Variants in ABCB5 observed in about 807,000 individuals in gnomAD.
ABCB5 encodes ATP binding cassette subfamily B member 5.
A neutral mutation model predicts 144.2 loss-of-function variants in ABCB5; 155 were observed. The ratio of observed to expected loss-of-function variants is 1.08; its 90% CI spans 0.94 to 1.23. The LOEUF (loss-of-function observed/expected upper bound fraction) is 1.23, where lower values mean the gene tolerates loss of function less well. Among genes scored for constraint, ABCB5 ranks in the 50% most tolerant of loss-of-function variants. The pLI is 0.00. For missense variants in ABCB5, 1,830 were observed against 1,520.8 expected, an observed-to-expected ratio of 1.20 and a Z score of -3.38; for synonymous variants, 610 against 528.6, an observed-to-expected ratio of 1.15 and a Z score of -2.11.
chr7:20,738,955 A>G (rs1345304757), intron 23 of ABCB5, 28 bp from the exon 24 acceptor site: 4 of 1,553,230 alleles, frequency 2.6e-6, no homozygotes, highest in African/African-American at 1.4e-5. Flanking sequence ...CGATGGACCT[A>G]AGATTCAAAT....
intron 9 of ABCB5, chr7:20,647,297 C>T: frequency 8.0e-7 from 1 of 1,252,664 alleles, no homozygotes; most frequent in Non-Finnish European, 1.0e-6. Context: ...AAAAGTTGTT[C>T]CTTATTAGGA....
chr7:20,709,840 G>C (rs1786952569), intron 20 of ABCB5, among the ~76,000 whole-genome samples: 1 of 149,400 alleles, frequency 6.7e-6, no homozygotes, highest in African/African-American at 2.5e-5. Context: ...CAGCACTCTG[G>C]GAGGACAAGG....
At chr7:20,683,166 C>G (rs1785882429) in intron 15 of ABCB5, among the ~76,000 whole-genome samples, 1 of 152,160 alleles carries the variant, frequency 6.6e-6, no homozygotes, top group African/African-American at 2.4e-5. Flanking sequence ...CTTCAAATTT[C>G]AAACCCTAAC....
chr7:20,708,546 T>C (rs903287132), intron 20 of ABCB5, among the ~76,000 whole-genome samples: 11 of 152,110 alleles, frequency 7.2e-5, no homozygotes, highest in African/African-American at 2.4e-4. Context: ...TTCATAATAT[T>C]GCAAAAAACT....
intron 14 of ABCB5, among the ~76,000 whole-genome samples, chr7:20,680,931 G>A (rs1384179635): frequency 1.3e-5 from 2 of 151,448 alleles, no homozygotes; most frequent in East Asian, 3.9e-4. Flanking sequence ...AAACAATACT[G>A]CAACAAAGAT....
At chr7:20,684,501 C>T (rs1013234943) in intron 15 of ABCB5, among the ~76,000 whole-genome samples, 1 of 152,126 alleles carries the variant, frequency 6.6e-6, no homozygotes, top group African/African-American at 2.4e-5. Context: ...TTCCTGTAAT[C>T]CCAGCTACTT....
intron 20 of ABCB5, among the ~76,000 whole-genome samples, chr7:20,713,224 T>G (rs1285721197): frequency 6.7e-6 from 1 of 148,928 alleles, no homozygotes; most frequent in Non-Finnish European, 1.5e-5. Context: ...TTTGCCACTT[T>G]GCATGCCTGG....
intron 11 of ABCB5, 63 bp from the exon 12 acceptor site, chr7:20,649,959 T>A: frequency 6.6e-7 from 1 of 1,520,514 alleles, no homozygotes; most frequent in Non-Finnish European, 8.9e-7. Context: ...ACTCATTTTC[T>A]GAAAATGTGT....
intron 14 of ABCB5, among the ~76,000 whole-genome samples, chr7:20,677,878 G>A (rs1785666757): frequency 6.6e-6 from 1 of 152,166 alleles, no homozygotes; most frequent in Non-Finnish European, 1.5e-5. Flanking sequence ...CTCTGTCAAT[G>A]ATCAAGACCA....
intron 22 of ABCB5, 99 bp from the exon 23 acceptor site, chr7:20,728,216 A>G (rs144371504): frequency 1.1e-4 from 157 of 1,383,014 alleles, no homozygotes; most frequent in Non-Finnish European, 1.5e-4. Flanking sequence ...CCACCAAATT[A>G]TAACATTTCA....
intron 27 of ABCB5, among the ~76,000 whole-genome samples, chr7:20,754,948 ATCTT>A (rs1300379889): frequency 6.6e-6 from 1 of 151,680 alleles, no homozygotes; most frequent in Non-Finnish European, 1.5e-5. Flanking sequence ...TCTGTAGCTA[ATCTT>A]TCTTTTTTTT....
intron 14 of ABCB5, among the ~76,000 whole-genome samples, chr7:20,673,779 A>G (rs1785524382): frequency 6.6e-6 from 1 of 152,018 alleles, no homozygotes; most frequent in African/African-American, 2.4e-5. Flanking sequence ...TTGATAGTAT[A>G]TTATTAAATT....
Position 20,628,736 on chromosome 7 carries a change from C to T in ABCB5, c.157C>T (p.Leu53=), listed in dbSNP as rs1783964821. The change falls in exon 4 of 28, where the codon CTG becomes TTG. Residue 53 remains leucine (L), a synonymous_variant. Coordinates refer to ENST00000404938, the MANE Select transcript of ABCB5 (RefSeq NM_001163941.2). The stretch of plus-strand genomic sequence containing the variant: ...CATCACACTCATGATCCTGGGTATA[C>T]TGGCATCACTGGTCAATGGAGCCTG... ...LDITLMILGI[L]ASLVNGACLP... The T allele has an allele frequency of 1.9e-6, 3 of 1,613,554 alleles. No individual in the cohort carries two copies. The highest frequency in any genetic ancestry group is 1.7e-4 in the Middle Eastern group (1 of 6,058).
At chr7:20,637,425 T>C (rs1225595023) in intron 5 of ABCB5, among the ~76,000 whole-genome samples, 2 of 151,940 alleles carry the variant, frequency 1.3e-5, no homozygotes, top group Non-Finnish European at 2.9e-5. Flanking sequence ...ACTTAATTTT[T>C]TTTTTTTTTT....
At chr7:20,659,494 G>GA in intron 14 of ABCB5, 5 of 1,039,784 alleles carry the variant, frequency 4.8e-6, no homozygotes, top group Non-Finnish European at 5.8e-6. Flanking sequence ...ACTGCTTCTT[G>GA]AAAAATCTCT....
In ABCB5 at chr7:20,628,726, C is replaced by G. The variant is rs539406911; in HGVS notation, c.147C>G (p.Ile49Met). The G allele has an allele frequency of 1.1e-5, 17 of 1,613,426 alleles. No homozygotes were observed. The South Asian group carries it at 1.8e-4, about 17-fold the overall frequency. Residue 49 changes from isoleucine to methionine, a missense_variant, in exon 4 of 28, where the codon ATC becomes ATG. Coordinates refer to ENST00000404938, the MANE Select transcript of ABCB5 (RefSeq NM_001163941.2). ...ATGGACTGGACATCACACTCATGATCCTGGGTATACTGGCATCACTGGTCA... is the reference window on the plus strand; with the variant it reads ...ATGGACTGGACATCACACTCATGATGCTGGGTATACTGGCATCACTGGTCA... ...FADGLDITLM[I>M]LGILASLVNG...
intron 16 of ABCB5, among the ~76,000 whole-genome samples, chr7:20,691,582 TTTTATTTATTTA>T (rs71020667): frequency 6.8e-6 from 1 of 146,808 alleles, no homozygotes; most frequent in African/African-American, 2.5e-5. Context: ...TTAAATTCAT[TTTTATTTATTTA>T]TTTATTTATT....
rs1785973506 is a variant in ABCB5 at position 20,685,796 on chromosome 7, A to T, written c.1970A>T (p.Asp657Val). ...PLHSVKSIKS[D>V]FIDKAEESTQ... is the part of the protein sequence containing the mutation. ...CACTCTGTGAAGAGCATCAAGTCAG[A>T]CTTCATTGACAAGGCTGAGGAATCC... The change falls in exon 16 of 28, where the codon GAC becomes GTC. Residue 657 changes from aspartate to valine, a missense_variant. Coordinates refer to ENST00000404938, the MANE Select transcript of ABCB5 (RefSeq NM_001163941.2). 6.2e-7 allele frequency: 1 copy of T among 1,613,434 alleles called. No individual in the cohort carries two copies. The highest frequency in any genetic ancestry group is 8.5e-7 in the Non-Finnish European group (1 of 1,179,778).
intron 24 of ABCB5, among the ~76,000 whole-genome samples, chr7:20,739,969 C>T (rs199916043): frequency 2.6e-5 from 4 of 152,156 alleles, no homozygotes; most frequent in East Asian, 1.9e-4. Context: ...TGGTGGCTCA[C>T]GCCTGTAATC....
Sources: allele counts gnomAD v4.1 joint callset (sites outside exome capture counted in the v4.1 genomes callset), GRCh38; gene constraint gnomAD v4.1.1; transcripts MANE v1.5; gene names NCBI Gene and HGNC (gene_info 2026-07-23, HGNC 2026-07-21).